The following SDK2 variants were observed in gnomAD, a reference collection of about 807,000 sequenced individuals.
SDK2 encodes sidekick cell adhesion molecule 2, also known as protein sidekick-2.
A neutral mutation model predicts 253.9 loss-of-function variants in SDK2; 105 were observed. The observed-to-expected ratio is 0.41, with a 90% CI of 0.35 to 0.49. SDK2 has a LOEUF of 0.49. Among genes scored for constraint, SDK2 ranks in the 20% least tolerant of loss-of-function variants. The pLI is 0.06. For missense variants in SDK2, 2,608 were observed against 3,003.0 expected (o/e 0.87, Z 3.07); for synonymous variants, 1,249 against 1,234.9 (o/e 1.01, Z -0.24).
At chr17:73,421,573 CTTTTTTT>C (rs36068491) in intron 15 of SDK2, among the ~76,000 whole-genome samples, 4 of 90,772 alleles carry the variant, frequency 4.4e-5, no homozygotes, top group African/African-American at 1.4e-4. Flanking sequence ...CAATTTCCAT[CTTTTTTT>C]TTTTTTTTTT....
chr17:73,623,058 T>G (rs1302967374), intron 1 of SDK2, among the ~76,000 whole-genome samples: 3 of 152,266 alleles, frequency 2.0e-5, no homozygotes, highest in African/African-American at 7.2e-5. Flanking sequence ...AGTATCTTTA[T>G]GTCCCCAGTT....
At chr17:73,407,353 G>A (rs2063087590) in intron 18 of SDK2, among the ~76,000 whole-genome samples, 1 of 152,128 alleles carries the variant, frequency 6.6e-6, no homozygotes, top group Non-Finnish European at 1.5e-5. Flanking sequence ...AAGTCGAAGA[G>A]GCCAATGATG....
intron 1 of SDK2, among the ~76,000 whole-genome samples, chr17:73,628,776 A>T (rs1277198132): frequency 1.3e-5 from 2 of 152,128 alleles, no homozygotes; most frequent in Non-Finnish European, 2.9e-5. Flanking sequence ...AACTCACCAC[A>T]CTTCAGAGAG....
At chr17:73,603,420 G>A (rs549511073) in intron 1 of SDK2, among the ~76,000 whole-genome samples, 40 of 152,288 alleles carry the variant, frequency 2.6e-4, no homozygotes, top group Non-Finnish European at 4.9e-4. Context: ...AAATGCTCTG[G>A]GCATCTATCA....
At chr17:73,486,547 C>T (rs1004964236) in intron 2 of SDK2, among the ~76,000 whole-genome samples, 35 of 145,904 alleles carry the variant, frequency 2.4e-4, no homozygotes, top group African/African-American at 8.6e-4. Context: ...GAGTTGGAGG[C>T]TACAGTAAGC....
chr17:73,578,960 T>C (rs2045495273), intron 1 of SDK2, among the ~76,000 whole-genome samples: 1 of 152,070 alleles, frequency 6.6e-6, no homozygotes, highest in African/African-American at 2.4e-5. Context: ...CACATCACCA[T>C]CTCAGGCTTC....
intron 32 of SDK2, among the ~76,000 whole-genome samples, chr17:73,385,245 G>T (rs2062862717): frequency 6.6e-6 from 1 of 152,190 alleles, no homozygotes; most frequent in Non-Finnish European, 1.5e-5. Context: ...CGCGGGGCAG[G>T]ACCCATGAGC....
At position 73,592,668 on chromosome 17, in the gene SDK2, C is replaced by T. The variant is rs569140546; in HGVS notation, c.64+51357G>A. On this transcript the variant is annotated intron_variant, in intron 1 of 44. Transcript: ENST00000392650. ...ACAGGAAGAGAGGGCCGGGGAAGCG[C>T]GAGGACAGGGACCTTGGTGGCTGGC... 1.4e-3 allele frequency among the ~76,000 whole-genome samples: 217 copies of T among 152,272 alleles called. 1 individual carries two copies. Among genetic ancestry groups the T allele is most frequent in the Admixed American group, 4.5e-3 (69 of 15,296 alleles).
At chr17:73,483,637 A>G (rs553355318) in intron 2 of SDK2, among the ~76,000 whole-genome samples, 2,575 of 52,904 alleles carry the variant, frequency 0.049, 84 homozygotes, top group African/African-American at 0.091. Flanking sequence ...ATATGTATAT[A>G]TATATGTGTG....
At chr17:73,423,064 T>C (rs7405952) in intron 14 of SDK2, among the ~76,000 whole-genome samples, 114,217 of 151,726 alleles carry the variant, frequency 0.75, 43,855 homozygotes, top group Admixed American at 0.82. Flanking sequence ...TAAAATGCAA[T>C]GCGAATTATG....
intron 1 of SDK2, among the ~76,000 whole-genome samples, chr17:73,636,910 T>C (rs79583096): frequency 1.3e-3 from 202 of 152,218 alleles, no homozygotes; most frequent in Non-Finnish European, 2.4e-3. Context: ...TCTATGTGTA[T>C]TATCTCATTT....
chr17:73,468,098 G>A (rs1204057320), intron 3 of SDK2, among the ~76,000 whole-genome samples: 1 of 152,208 alleles, frequency 6.6e-6, no homozygotes, highest in Non-Finnish European at 1.5e-5. Context: ...CTGGAACAGG[G>A]CAGGAATCCT....
intron 1 of SDK2, chr17:73,521,501 G>A (rs1312857205): frequency 1.3e-5 from 2 of 152,236 alleles, no homozygotes; most frequent in African/African-American, 4.8e-5. Flanking sequence ...TCCAGGTGCT[G>A]TGCTCCTTCC....
Position 73,534,910 on chromosome 17 carries a change from G to A in SDK2, c.65-27313C>T, listed in dbSNP as rs1005661403. On this transcript the variant is annotated intron_variant, in intron 1 of 44. Coordinates refer to ENST00000392650, the MANE Select transcript of SDK2 (RefSeq NM_001144952.2). This position sits in a 1 kb window ranked among gnomAD's most constrained non-coding sequence, Gnocchi z 4.9. ...TACTCTGCGATCGGCCGATCAGCCC[G>A]CTACTGGGTCTAAGGAACCCAGGAG... Among the ~76,000 whole-genome samples the A allele has an allele frequency of 6.6e-5, 10 of 152,124 alleles. No homozygotes were observed. The highest frequency in any genetic ancestry group is 1.0e-4 in the Non-Finnish European group (7 of 68,014).
Position 73,379,683 on chromosome 17 carries a change from C to G in SDK2, c.4763-134G>C. The G allele has an allele frequency of 1.6e-6, 1 of 625,258 alleles. No individual in the cohort carries two copies. Among genetic ancestry groups the G allele is most frequent in the African/African-American group, 1.8e-5 (1 of 54,724 alleles). The allele number at this position is 625,258 out of a possible 1,614,324, so 38.7% of individuals were successfully genotyped here. On this transcript the variant is annotated intron_variant, in intron 34 of 44. Transcript: ENST00000392650. The surrounding 1 kb of genome is among the most constrained non-coding windows in gnomAD (Gnocchi z 4.5). Reference sequence around the variant, plus strand: ...CATTCTAGCCCCCTCTGTGAAGGTGCATGAAGGAGGAGGTGAGAGGCGGGG... The same window carrying G: ...CATTCTAGCCCCCTCTGTGAAGGTGGATGAAGGAGGAGGTGAGAGGCGGGG...
rs572464148 is a variant in SDK2, at chr17:73,564,694, G to A, written c.65-57097C>T. Among the ~76,000 whole-genome samples, 6 of 152,148 alleles carry A rather than the reference G, an allele frequency of 3.9e-5. No homozygotes were observed. The South Asian group carries it at 6.2e-4, about 16-fold the overall frequency. ...ACAAAAATTAGCTGGGCATGGTGGC[G>A]TATACCTGCAGTCCCATCTACTCGG... On this transcript the variant is annotated intron_variant, in intron 1 of 44. Coordinates refer to ENST00000392650, the MANE Select transcript of SDK2 (RefSeq NM_001144952.2).
At position 73,431,808 on chromosome 17, in the gene SDK2, G is replaced by T; in HGVS notation, c.1313-139C>A. The T allele has an allele frequency of 1.1e-6, 1 of 934,202 alleles. No individual in the cohort carries two copies. Among genetic ancestry groups the T allele is most frequent in the Non-Finnish European group, 1.5e-6 (1 of 650,594 alleles). The allele number at this position is 934,202 out of a possible 1,614,324, so 57.9% of individuals were successfully genotyped here. A position where few individuals can be genotyped will look rare whatever the true frequency, so the allele number is the denominator to read the frequency against. On this transcript the variant is annotated intron_variant, in intron 10 of 44. Coordinates refer to ENST00000392650, the MANE Select transcript of SDK2 (RefSeq NM_001144952.2). The surrounding 1 kb of genome is among the most constrained non-coding windows in gnomAD (Gnocchi z 5.6). ...CTGGAAGGAATGAGGACAGATGGCG[G>T]TGGGGCTGGGGTGGGGGCTGAGAGA...
At chr17:73,626,993 G>C (rs989959538) in intron 1 of SDK2, among the ~76,000 whole-genome samples, 2 of 152,126 alleles carry the variant, frequency 1.3e-5, no homozygotes, top group Non-Finnish European at 2.9e-5. Flanking sequence ...TAGCCGGGGG[G>C]GTGTAAAATC....
At chr17:73,457,259 CT>C (rs2063532927) in intron 3 of SDK2, among the ~76,000 whole-genome samples, 1 of 61,166 alleles carries the variant, frequency 1.6e-5, no homozygotes, top group Non-Finnish European at 2.9e-5. Context: ...TCCTTCCTTC[CT>C]TCCTTCCTTC....
Sources: allele counts gnomAD v4.1 joint callset (sites outside exome capture counted in the v4.1 genomes callset), GRCh38; gene constraint gnomAD v4.1.1; non-coding constraint Gnocchi (gnomAD v3.1); transcripts MANE v1.5; gene names NCBI Gene and HGNC (gene_info 2026-07-23, HGNC 2026-07-21).